CLMP: variants seen among roughly 807,000 people sequenced by gnomAD.
CLMP encodes CXADR-like membrane protein.
A neutral mutation model predicts 45.2 loss-of-function variants in CLMP; 27 were observed. That is an observed-to-expected ratio of 0.60 (90% confidence interval 0.44 to 0.82). The LOEUF (loss-of-function observed/expected upper bound fraction) is 0.82, where lower values mean the gene tolerates loss of function less well. CLMP is among the 40% of genes least tolerant of loss of function. The pLI is 0.00. For synonymous variants in CLMP, 167 were observed against 171.4 expected, an observed-to-expected ratio of 0.97 and a Z score of 0.20; for missense variants, 403 against 448.4, an observed-to-expected ratio of 0.90 and a Z score of 0.91.
chr11:123,185,663 C>T (rs759748664), intron 1 of CLMP, among the ~76,000 whole-genome samples: 2 of 152,172 alleles, frequency 1.3e-5, no homozygotes, highest in Non-Finnish European at 2.9e-5. Flanking sequence ...AGATGGGTAC[C>T]AGGCCTCCGC....
chr11:123,072,785 T>C lies in CLMP; in HGVS notation c.*689A>G, dbSNP rs1865688819. ...TCTTCACAATCCTTTGTCACAAATT[T>C]TTGTCTCCTTTCATAGTTATTTTGG... On this transcript the variant is annotated 3_prime_UTR_variant, in exon 7 of 7. Coordinates refer to ENST00000448775, the MANE Select transcript of CLMP (RefSeq NM_024769.5). The C allele has an allele frequency of 6.6e-6, 1 of 152,232 alleles. No homozygotes were observed. The highest frequency in any genetic ancestry group is 2.1e-4 in the South Asian group (1 of 4,838). The allele number at this position is 152,232 out of a possible 1,614,324, so 9.4% of individuals were successfully genotyped here.
intron 2 of CLMP, among the ~76,000 whole-genome samples, chr11:123,092,314 T>TC (rs1865940507): frequency 1.3e-5 from 2 of 151,940 alleles, no homozygotes; most frequent in South Asian, 2.1e-4. Flanking sequence ...TTTTTTCTTT[T>TC]TGAGACGGAG....
chr11:123,167,319 T>G (rs1230402390), intron 1 of CLMP, among the ~76,000 whole-genome samples: 1 of 152,164 alleles, frequency 6.6e-6, no homozygotes, highest in East Asian at 1.9e-4. Context: ...GGAGTTTCAC[T>G]CTGTCACCCT....
chr11:123,175,739 C>T (rs951121661), intron 1 of CLMP, among the ~76,000 whole-genome samples: 1 of 152,130 alleles, frequency 6.6e-6, no homozygotes, highest in African/African-American at 2.4e-5. Context: ...TATGAGTCTC[C>T]GTGTCAACTC....
chr11:123,075,712 T>C (rs1307456747), intron 5 of CLMP, among the ~76,000 whole-genome samples: 1 of 152,084 alleles, frequency 6.6e-6, no homozygotes, highest in Non-Finnish European at 1.5e-5. Context: ...AGTGAATAAG[T>C]CTGGGTGGGT....
At chr11:123,181,840 G>A (rs1861774683) in intron 1 of CLMP, among the ~76,000 whole-genome samples, 1 of 152,210 alleles carries the variant, frequency 6.6e-6, no homozygotes, top group Admixed American at 6.5e-5. Context: ...TAATATCACA[G>A]CAGAAATCAG....
At chr11:123,107,028 A>AT (rs943177936) in intron 1 of CLMP, among the ~76,000 whole-genome samples, 3 of 149,802 alleles carry the variant, frequency 2.0e-5, no homozygotes, top group African/African-American at 4.9e-5. Flanking sequence ...CAAAAAAAAA[A>AT]AAAAATAATA....
intron 2 of CLMP, among the ~76,000 whole-genome samples, chr11:123,091,169 A>T (rs536748391): frequency 6.6e-6 from 1 of 151,962 alleles, no homozygotes; most frequent in African/African-American, 2.4e-5. Context: ...CAGTGCCACA[A>T]TCTTGGCTCA....
At chr11:123,127,824 G>T (rs529332683) in intron 1 of CLMP, among the ~76,000 whole-genome samples, 1 of 152,194 alleles carries the variant, frequency 6.6e-6, no homozygotes, top group African/African-American at 2.4e-5. Flanking sequence ...ATTACCTGAG[G>T]TTAGGAGTTC....
At chr11:123,136,079 T>C in intron 1 of CLMP, 1 of 605,754 alleles carries the variant, frequency 1.7e-6, no homozygotes, top group South Asian at 1.4e-5. Context: ...TTGAATCTTT[T>C]TCAACTCTCT....
Position 123,072,668 on chromosome 11 carries a change from A to G in CLMP, c.*806T>C, listed in dbSNP as rs1407938662. On this transcript the variant is annotated 3_prime_UTR_variant, in exon 7 of 7. Transcript: ENST00000448775. Reference sequence around the variant, plus strand: ...AAATATCTAGCAGGAAAGTCCTTAGAGGCATCTGATTTGAGGGGAAATCCA... The same window carrying G: ...AAATATCTAGCAGGAAAGTCCTTAGGGGCATCTGATTTGAGGGGAAATCCA... 6.6e-6 allele frequency: 1 copy of G among 152,234 alleles called. No individual in the cohort carries two copies. 9.4% of individuals were successfully genotyped at this position (152,234 alleles called of 1,614,324 possible).
chr11:123,083,924 C>T, intron 3 of CLMP, 77 bp from the exon 4 acceptor site: 1 of 1,527,080 alleles, frequency 6.5e-7, no homozygotes, highest in East Asian at 2.3e-5. Flanking sequence ...AAAATTATGT[C>T]CTATTGAGTT....
chr11:123,162,859 G>A (rs905852380), intron 1 of CLMP, among the ~76,000 whole-genome samples: 2 of 151,392 alleles, frequency 1.3e-5, no homozygotes, highest in Admixed American at 6.6e-5. Flanking sequence ...GAGTCAAGAC[G>A]GCACCACCGC....
In CLMP at chr11:123,116,086, C is replaced by T. The variant is rs1860716330; in HGVS notation, c.29-18134G>A. On this transcript the variant is annotated intron_variant, in intron 1 of 6. Transcript: ENST00000448775. ...GCCTCACCACACGGCAGCTGGCTTC[C>T]CCCAGGGTAGGTGATGCAAAAAAGA... 2.0e-5 allele frequency among the ~76,000 whole-genome samples: 3 copies of T among 151,956 alleles called. No homozygotes were observed. In the South Asian group the frequency reaches 6.2e-4, roughly 31 times the overall value.
At position 123,092,951 on chromosome 11, in the gene CLMP, A is replaced by C. The variant is rs932172765; in HGVS notation, c.186+4844T>G. 1.6e-4 allele frequency among the ~76,000 whole-genome samples: 22 copies of C among 137,422 alleles called. 1 individual carries two copies. Among genetic ancestry groups the C allele is most frequent in the Non-Finnish European group, 2.1e-4 (14 of 65,410 alleles). 90.2% of individuals were successfully genotyped at this position (137,422 alleles called of 152,430 possible). A position where few individuals can be genotyped will look rare whatever the true frequency, so the allele number is the denominator to read the frequency against. ...GAGATGTTGTCTCATGCTGTCGCCCAGGCTGGAGTGCAGCGGTATGATCTC... is the reference window on the plus strand; with the variant it reads ...GAGATGTTGTCTCATGCTGTCGCCCCGGCTGGAGTGCAGCGGTATGATCTC... On this transcript the variant is annotated intron_variant, in intron 2 of 6. Coordinates refer to ENST00000448775, the MANE Select transcript of CLMP (RefSeq NM_024769.5).
chr11:123,115,470 T>C (rs1029825084), intron 1 of CLMP, among the ~76,000 whole-genome samples: 3 of 152,168 alleles, frequency 2.0e-5, no homozygotes, highest in African/African-American at 7.2e-5. Flanking sequence ...AATGGCATTT[T>C]AGAGTAGGCT....
In CLMP at chr11:123,073,434, C is replaced by T; in HGVS notation, c.*40G>A. ...CAATGACGAGAAGAGTCCAAAGACC[C>T]TGACTCCTAGGAAAGCGTGGGAGTC... On this transcript the variant is annotated 3_prime_UTR_variant, in exon 7 of 7. Coordinates refer to ENST00000448775, the MANE Select transcript of CLMP (RefSeq NM_024769.5). 6.4e-7 allele frequency: 1 copy of T among 1,559,578 alleles called. No homozygotes were observed. The highest frequency in any genetic ancestry group is 8.7e-7 in the Non-Finnish European group (1 of 1,152,292).
At chr11:123,183,624 C>A (rs1861797146) in intron 1 of CLMP, among the ~76,000 whole-genome samples, 1 of 152,070 alleles carries the variant, frequency 6.6e-6, no homozygotes, top group African/African-American at 2.4e-5. Flanking sequence ...CACTGAGAAT[C>A]CTGCATTCCA....
At position 123,071,424 on chromosome 11, in the gene CLMP, G is replaced by C; in HGVS notation, c.*2050C>G. ...ACTCCAGCCTGCGTGATGAGAGCAA[G>C]ACTGCATCTCAAAAAAAAAAGTATT... On this transcript the variant is annotated 3_prime_UTR_variant, in exon 7 of 7. Transcript: ENST00000448775. 1 of 151,724 alleles carries C rather than the reference G, an allele frequency of 6.6e-6. No individual in the cohort carries two copies. The highest frequency in any genetic ancestry group is 1.5e-5 in the Non-Finnish European group (1 of 67,970). The allele number at this position is 151,724 out of a possible 1,614,324, so 9.4% of individuals were successfully genotyped here. A position where few individuals can be genotyped will look rare whatever the true frequency, so the allele number is the denominator to read the frequency against.
Sources: allele counts gnomAD v4.1 joint callset (sites outside exome capture counted in the v4.1 genomes callset), GRCh38; gene constraint gnomAD v4.1.1; transcripts MANE v1.5; gene names NCBI Gene and HGNC (gene_info 2026-07-23, HGNC 2026-07-21).